The following SLC35F4 variants were observed in gnomAD, a reference collection of about 807,000 sequenced individuals.
SLC35F4 encodes chromosome 14 open reading frame 36.
In SLC35F4, 24 loss-of-function variants were observed where a neutral mutation model predicts 44.2. The observed-to-expected ratio is 0.54, with a 90% CI of 0.39 to 0.76. The LOEUF (loss-of-function observed/expected upper bound fraction) is 0.76. SLC35F4 is among the 30% of genes least tolerant of loss of function. The probability of loss-of-function intolerance (pLI) is 0.00; values close to 1 mark genes in which losing one functional copy is unlikely to be tolerated. For synonymous variants in SLC35F4, 238 were observed against 223.6 expected, an observed-to-expected ratio of 1.06 and a Z score of -0.57; for missense variants, 562 against 586.1, an observed-to-expected ratio of 0.96 and a Z score of 0.42.
chr14:57,814,233 AAG>A (rs1882314955), intron 1 of SLC35F4, among the ~76,000 whole-genome samples: 1 of 152,240 alleles, frequency 6.6e-6, no homozygotes, highest in South Asian at 2.1e-4. Context: ...ATGTGCAATC[AAG>A]TTCATTAAAC....
At chr14:57,662,129 T>C (rs2074157657) in intron 1 of SLC35F4, among the ~76,000 whole-genome samples, 1 of 152,180 alleles carries the variant, frequency 6.6e-6, no homozygotes, top group Admixed American at 6.6e-5. Flanking sequence ...CCAAATGCAT[T>C]CTTTGAAAAC....
intron 1 of SLC35F4, among the ~76,000 whole-genome samples, chr14:57,713,593 T>C (rs759514323): frequency 3.3e-5 from 5 of 152,206 alleles, no homozygotes; most frequent in Non-Finnish European, 5.9e-5. Flanking sequence ...AGTACTGTGT[T>C]TCTCTGTTTG....
chr14:57,878,723 C>T (rs1009102051), intron 1 of SLC35F4, among the ~76,000 whole-genome samples: 5 of 151,988 alleles, frequency 3.3e-5, no homozygotes, highest in Non-Finnish European at 7.4e-5. Flanking sequence ...CAAGGACAAC[C>T]GCATTTTTTT....
chr14:57,809,126 C>A (rs1322524371), intron 1 of SLC35F4, among the ~76,000 whole-genome samples: 1 of 152,182 alleles, frequency 6.6e-6, no homozygotes, highest in African/African-American at 2.4e-5. Context: ...ATGTGGTCAG[C>A]AGAAAGCGAA....
At chr14:57,982,995 G>A (rs1881427613), upstream of SLC35F4, among the ~76,000 whole-genome samples, 1 of 152,262 alleles carries the variant, frequency 6.6e-6, no homozygotes, top group South Asian at 2.1e-4. Context: ...TTCCGGCACT[G>A]CTGTGGCTCC....
chr14:57,835,183 CCCTCCCATCTCCTTCAGAT>C (rs1386391294), intron 1 of SLC35F4, among the ~76,000 whole-genome samples: 3 of 152,156 alleles, frequency 2.0e-5, no homozygotes, highest in African/African-American at 7.2e-5. Context: ...AGAAAAGGGC[CCCTCCCATCTCCTTCAGAT>C]CCTGTAATCA....
At position 57,625,200 on chromosome 14, in the gene SLC35F4, A is replaced by C. The variant is rs189937099; in HGVS notation, c.104-31076T>G. The stretch of plus-strand genomic sequence containing the variant: ...AAATCATGAGTGAACTCCCATTCAC[A>C]ATTGCTACAAAGAGAATAAAATACA... On this transcript the variant is annotated intron_variant, in intron 1 of 7. Transcript: ENST00000556826. Among the ~76,000 whole-genome samples, 12 of 152,324 alleles carry C rather than the reference A, an allele frequency of 7.9e-5. No individual in the cohort carries two copies. In the Middle Eastern group the frequency reaches 0.01, roughly 130 times the overall value.
At chr14:57,679,763 A>G (rs886889902) in intron 1 of SLC35F4, among the ~76,000 whole-genome samples, 4 of 152,104 alleles carry the variant, frequency 2.6e-5, no homozygotes, top group African/African-American at 7.3e-5. Flanking sequence ...CAAATAAACT[A>G]GAAAATCTAG....
intron 1 of SLC35F4, among the ~76,000 whole-genome samples, chr14:57,935,634 A>G (rs969877051): frequency 6.6e-6 from 1 of 152,224 alleles, no homozygotes; most frequent in Non-Finnish European, 1.5e-5. Context: ...GCAGAATAGC[A>G]TATATTTCCT....
rs191044139 is a variant in SLC35F4 at position 57,959,611 on chromosome 14, C to T, written n.282+22302G>A. 1.8e-4 allele frequency among the ~76,000 whole-genome samples: 28 copies of T among 152,296 alleles called. No individual in the cohort carries two copies. In the East Asian group the frequency reaches 3.7e-3, roughly 20 times the overall value. The stretch of plus-strand genomic sequence containing the variant: ...TAGCCATGACAAATGTGACCACTTT[C>T]GCAGCCGAAAGCCATGAGCAGCACT... On this transcript the variant is annotated intron_variant and non_coding_transcript_variant, in intron 1 of 1. Transcript: ENST00000556568.
At chr14:57,958,536 G>C (rs1890284329) in intron 1 of SLC35F4, among the ~76,000 whole-genome samples, 2 of 149,604 alleles carry the variant, frequency 1.3e-5, no homozygotes, top group Admixed American at 1.3e-4. Flanking sequence ...TGGATACAGA[G>C]TTTCTTTCTA....
intron 1 of SLC35F4, among the ~76,000 whole-genome samples, chr14:57,962,974 A>G (rs1218726342): frequency 3.3e-5 from 5 of 152,212 alleles, no homozygotes; most frequent in African/African-American, 1.2e-4. Context: ...TAGGGGGGAA[A>G]AAAGAAAAAA....
At chr14:57,565,213 T>G (rs1469711211) in intron 7 of SLC35F4, among the ~76,000 whole-genome samples, 3 of 152,176 alleles carry the variant, frequency 2.0e-5, no homozygotes, top group Non-Finnish European at 2.9e-5. Context: ...AGGATATTTT[T>G]AATCTCTGTT....
intron 1 of SLC35F4, among the ~76,000 whole-genome samples, chr14:57,819,097 T>G (rs1882905009): frequency 6.6e-6 from 1 of 152,140 alleles, no homozygotes; most frequent in Non-Finnish European, 1.5e-5. Flanking sequence ...TTGTCCTTGA[T>G]TACACATAAT....
chr14:57,920,298 G>A (rs1464994724), intron 1 of SLC35F4, among the ~76,000 whole-genome samples: 2 of 152,186 alleles, frequency 1.3e-5, no homozygotes, highest in Non-Finnish European at 2.9e-5. Flanking sequence ...AATCAGGCCA[G>A]TTGCAGTGGC....
At chr14:57,628,184 T>A (rs2072568140) in intron 1 of SLC35F4, among the ~76,000 whole-genome samples, 1 of 151,394 alleles carries the variant, frequency 6.6e-6, no homozygotes, top group African/African-American at 2.4e-5. Context: ...AGCACATACA[T>A]CTTCCTATTT....
chr14:57,861,529 C>T lies in SLC35F4; in HGVS notation c.103+4194G>A, dbSNP rs1217608634. Among the ~76,000 whole-genome samples, 3 of 152,170 alleles carry T rather than the reference C, an allele frequency of 2.0e-5. 1 individual carries two copies. Among genetic ancestry groups the T allele is most frequent in the East Asian group, 3.8e-4 (2 of 5,204 alleles). On this transcript the variant is annotated intron_variant, in intron 1 of 7. Coordinates refer to ENST00000556826, the MANE Select transcript of SLC35F4 (RefSeq NM_001306087.2). ...TTCTGCTCCCCTTTGCACAAAAATC[C>T]TTGCAGAGTCATCTATACTCACAGT...
chr14:57,889,448 A>G (rs558999671), intron 1 of SLC35F4, among the ~76,000 whole-genome samples: 1 of 152,380 alleles, frequency 6.6e-6, no homozygotes, highest in East Asian at 1.9e-4. Flanking sequence ...GTTGGCCTGC[A>G]GCCATCACTA....
chr14:57,622,591 T>C (rs1390617253), intron 1 of SLC35F4, among the ~76,000 whole-genome samples: 1 of 142,924 alleles, frequency 7.0e-6, no homozygotes, highest in African/African-American at 2.5e-5. Context: ...AAACTGCATA[T>C]TCTCACTCAT....
Sources: gnomAD v4.1 joint callset for allele counts (sites outside exome capture counted in the v4.1 genomes callset) on GRCh38, gnomAD v4.1.1 for gene constraint, MANE v1.5 for transcripts, NCBI Gene and HGNC (gene_info 2026-07-23, HGNC 2026-07-21) for gene names.